Variants in PHTF2 observed in about 807,000 individuals in gnomAD.
PHTF2 encodes the protein putative homeodomain transcription factor 2, also known as protein PHTF2.
PHTF2 carries 60 observed loss-of-function variants against 101.2 expected under a neutral mutation model. That is an observed-to-expected ratio of 0.59 (90% CI 0.48 to 0.73). The LOEUF is 0.73. Ranked by LOEUF, PHTF2 falls within the 30% of genes least tolerant of loss-of-function variation. The pLI, the probability that PHTF2 is intolerant of heterozygous loss-of-function variation, is 0.00. For synonymous variants in PHTF2, 311 were observed against 307.3 expected, an observed-to-expected ratio of 1.01 and a Z score of -0.13; for missense variants, 747 against 908.7, an observed-to-expected ratio of 0.82 and a Z score of 2.29.
chr7:77,863,456 T>G lies in PHTF2; in HGVS notation c.147+8622T>G, dbSNP rs188137665. On this transcript the variant is annotated intron_variant, in intron 3 of 19. Coordinates refer to ENST00000416283, the Ensembl canonical transcript of PHTF2. ...CTTTATTATATGGTTCATTTTTATT[T>G]ACTGGTAGAAAACCAAGGAGTAAAT... Among the ~76,000 whole-genome samples the G allele has an allele frequency of 3.8e-3, 576 of 152,328 alleles. 10 individuals carry two copies. Among genetic ancestry groups the G allele is most frequent in the South Asian group, 0.034 (163 of 4,828 alleles).
rs1403720380 is a variant in PHTF2 at position 77,809,228 on chromosome 7, T to TTTTTTTTG, written c.-36+10264_-36+10265insGTTTTTTT. On this transcript the variant is annotated intron_variant, in intron 1 of 19. Coordinates refer to ENST00000416283, the Ensembl canonical transcript of PHTF2. ...CCTATATAAACCCAGTTCGTTGTTT[T>TTTTTTTTG]TTTTTTTTTTTTTTTTGAGATGGAG... 1.4e-4 allele frequency among the ~76,000 whole-genome samples: 20 copies of TTTTTTTTG among 144,912 alleles called. 1 individual carries two copies. The highest frequency in any genetic ancestry group is 5.3e-4 in the African/African-American group (20 of 37,942).
exon 8 of PHTF2, chr7:77,908,938 T>C (rs765182826): frequency 1.2e-6 from 2 of 1,601,994 alleles, no homozygotes; most frequent in East Asian, 2.2e-5. Flanking sequence ...CTCCTCTAAG[T>C]ACAGGGGGTA....
chr7:77,924,620 G>C (rs1803790026), intron 11 of PHTF2, among the ~76,000 whole-genome samples: 1 of 152,192 alleles, frequency 6.6e-6, no homozygotes, highest in Non-Finnish European at 1.5e-5. Flanking sequence ...CTTTGGGGAA[G>C]TATTTTGTGC....
At chr7:77,813,595 G>A (rs750725908) in intron 1 of PHTF2, among the ~76,000 whole-genome samples, 6 of 152,302 alleles carry the variant, frequency 3.9e-5, no homozygotes, top group Middle Eastern at 3.4e-3. Flanking sequence ...GAAAGGCATT[G>A]TATTTATTCA....
intron 3 of PHTF2, among the ~76,000 whole-genome samples, chr7:77,855,243 G>A (rs1383025231): frequency 6.6e-6 from 1 of 152,172 alleles, no homozygotes; most frequent in African/African-American, 2.4e-5. Flanking sequence ...TCTGTCCCAG[G>A]GTGTCTAGAA....
At chr7:77,937,889 A>ATCT in intron 13 of PHTF2, 51 bp downstream of exon 12, 26 of 927,506 alleles carry the variant, frequency 2.8e-5, no homozygotes, top group Non-Finnish European at 3.8e-5. Context: ...CTTAGTAATT[A>ATCT]TATATAAGAT....
chr7:77,923,472 CGCTGT>C, intron 11 of PHTF2: 1 of 985,220 alleles, frequency 1.0e-6, no homozygotes. Flanking sequence ...ACACATGTTA[CGCTGT>C]GCTGGAATAT....
chr7:77,827,926 GAGCCACGGAGCCC>G (rs1228462082), intron 1 of PHTF2, among the ~76,000 whole-genome samples: 1 of 152,160 alleles, frequency 6.6e-6, no homozygotes, highest in Non-Finnish European at 1.5e-5. Flanking sequence ...TTACAGGTGC[GAGCCACGGAGCCC>G]AGCCTCAATA....
intron 2 of PHTF2, among the ~76,000 whole-genome samples, chr7:77,842,205 A>T (rs1222017228): frequency 6.6e-6 from 1 of 152,024 alleles, no homozygotes; most frequent in Non-Finnish European, 1.5e-5. Flanking sequence ...TATTATATAT[A>T]TATTTATTTA....
intron 3 of PHTF2, among the ~76,000 whole-genome samples, chr7:77,884,530 T>C (rs1183501169): frequency 2.0e-5 from 3 of 152,238 alleles, no homozygotes; most frequent in African/African-American, 7.2e-5. Flanking sequence ...ATTTTCTGAC[T>C]GATAACATTT....
intron 1 of PHTF2, among the ~76,000 whole-genome samples, chr7:77,815,115 GAAA>G (rs962481447): frequency 1.1e-4 from 16 of 149,558 alleles, no homozygotes; most frequent in Admixed American, 8.0e-4. Context: ...CCAACAAAAA[GAAA>G]AAAAAAGCCA....
Position 77,910,258 on chromosome 7 carries a change from G to A in PHTF2, c.625G>A (p.Ala209Thr). The change falls in exon 9 of 20, where the codon GCA becomes ACA. Residue 209 changes from alanine to threonine, a missense_variant. Ala to Thr is a moderately conservative substitution (Grantham distance 58, BLOSUM62 0). Around this residue, in one of 6 missense-constraint regions of PHTF2, gnomAD observed 16 missense variants for 39.2 expected, o/e 0.41. Transcript: ENST00000416283. ...CTTCTGATGAAGGAAATTAAGAAAA[G>A]CAGCCCATTTGGAAGTACATAGGGA... 1 of 1,610,686 alleles carries A rather than the reference G, an allele frequency of 6.2e-7. No individual in the cohort carries two copies.
rs79351953 is a variant in PHTF2 at position 77,817,826 on chromosome 7, C to T, written c.-36+18855C>T. Among the ~76,000 whole-genome samples, 763 of 152,036 alleles carry T rather than the reference C, an allele frequency of 5.0e-3. 5 individuals carry two copies. Among genetic ancestry groups the T allele is most frequent in the African/African-American group, 0.017 (718 of 41,484 alleles). On this transcript the variant is annotated intron_variant, in intron 1 of 19. Transcript: ENST00000416283. ...TTTTGATGTTAAAAAGTTTGAGTTC[C>T]GGGCCGGGTGCGGTGGCTCATGCCT...
exon 14 of PHTF2, chr7:77,940,126 G>A: frequency 6.2e-7 from 1 of 1,613,828 alleles, no homozygotes; most frequent in Non-Finnish European, 8.5e-7. Flanking sequence ...ACTTTCTCAA[G>A]CTACAGACTT....
chr7:77,866,084 C>T (rs948257738), intron 3 of PHTF2, among the ~76,000 whole-genome samples: 6 of 147,946 alleles, frequency 4.1e-5, no homozygotes, highest in Non-Finnish European at 7.4e-5. Context: ...TTTGGGAGGC[C>T]GAGGCAGGAG....
intron 3 of PHTF2, among the ~76,000 whole-genome samples, chr7:77,887,569 TC>T (rs969548223): frequency 2.3e-4 from 35 of 152,202 alleles, no homozygotes; most frequent in African/African-American, 8.0e-4. Flanking sequence ...TAGACATTCT[TC>T]CAGGAATGGT....
chr7:77,807,035 T>C (rs565327805), intron 1 of PHTF2, among the ~76,000 whole-genome samples: 1 of 152,202 alleles, frequency 6.6e-6, no homozygotes, highest in Non-Finnish European at 1.5e-5. Context: ...TACACACACA[T>C]ACATTTTATA....
chr7:77,848,354 A>G (rs1056081242), intron 2 of PHTF2, among the ~76,000 whole-genome samples: 6 of 152,164 alleles, frequency 3.9e-5, no homozygotes, highest in African/African-American at 1.4e-4. Flanking sequence ...ATTTCTCCAC[A>G]TCCTTGCCGG....
At chr7:77,814,710 C>T (rs182428489) in intron 1 of PHTF2, among the ~76,000 whole-genome samples, 48 of 152,018 alleles carry the variant, frequency 3.2e-4, no homozygotes, top group Non-Finnish European at 6.3e-4. Context: ...TGGGGTATCG[C>T]CATGTTGGCC....
Sources: allele counts gnomAD v4.1 joint callset (sites outside exome capture counted in the v4.1 genomes callset), GRCh38; gene constraint gnomAD v4.1.1; regional missense constraint gnomAD v4.1.1; transcripts MANE v1.5; gene names NCBI Gene and HGNC (gene_info 2026-07-23, HGNC 2026-07-21).